EYS: variants seen among roughly 807,000 people sequenced by gnomAD.
The protein encoded by EYS is protein eyes shut homolog.
EYS carries 250 observed loss-of-function variants against 282.1 expected under a neutral mutation model. The observed-to-expected ratio is 0.89, with a 90% CI of 0.80 to 0.98. The LOEUF is 0.98. Among genes scored for constraint, EYS ranks in the 50% least tolerant of loss-of-function variants. The pLI is 0.00. For synonymous variants in EYS, 1,355 were observed against 1,282.9 expected, an observed-to-expected ratio of 1.06 and a Z score of -1.20; for missense variants, 4,016 against 3,709.0, an observed-to-expected ratio of 1.08 and a Z score of -2.15.
chr6:64,975,000 C>T (rs1035167960), intron 14 of EYS, among the ~76,000 whole-genome samples: 6 of 151,480 alleles, frequency 4.0e-5, no homozygotes, highest in Admixed American at 2.0e-4. Context: ...TTAATGGAAA[C>T]CAGAGGTCCC....
In EYS at chr6:63,721,527, A is replaced by G. The variant is rs1768390096; in HGVS notation, c.8504T>C (p.Met2835Thr). 1.4e-5 allele frequency: 21 copies of G among 1,551,388 alleles called. No individual in the cohort carries two copies. The highest frequency in any genetic ancestry group is 2.4e-5 in the East Asian group (1 of 40,924). The change falls in exon 43 of 43, where the codon ATG becomes ACG. Residue 2835 changes from methionine to threonine, a missense_variant. By Grantham distance (81) the Met-to-Thr change is moderately conservative. Transcript: ENST00000503581. ...ACCTACAGGTTCATTTTCTATTGCCATGGGATTTACAAGATTTAAAGAAGA... is the reference window on the plus strand; with the variant it reads ...ACCTACAGGTTCATTTTCTATTGCCGTGGGATTTACAAGATTTAAAGAAGA... The part of the protein sequence containing the change: ...GVSSLNLVNP[M>T]AIENEPVGFQ...
chr6:65,664,039 T>G (rs370922446), intron 1 of EYS, among the ~76,000 whole-genome samples: 1 of 151,624 alleles, frequency 6.6e-6, no homozygotes, highest in African/African-American at 2.4e-5. Context: ...CCCGGCTAAT[T>G]TTTTGTATTT....
At chr6:64,370,004 A>G (rs1215357487) in intron 29 of EYS, among the ~76,000 whole-genome samples, 2 of 151,864 alleles carry the variant, frequency 1.3e-5, no homozygotes, top group Non-Finnish European at 2.9e-5. Flanking sequence ...CTTTCTTCCT[A>G]TTTGGATGTG....
At chr6:64,061,702 T>C (rs927371203) in intron 33 of EYS, among the ~76,000 whole-genome samples, 34 of 152,302 alleles carry the variant, frequency 2.2e-4, no homozygotes, top group African/African-American at 7.5e-4. Context: ...AATAAGTTTT[T>C]ATTAGGCTGG....
chr6:65,339,608 C>G, intron 10 of EYS, among the ~76,000 whole-genome samples: 1 of 151,110 alleles, frequency 6.6e-6, no homozygotes, highest in Non-Finnish European at 1.5e-5. Context: ...CAGGCATACA[C>G]TGGGGTCTTG....
chr6:65,600,173 C>A (rs1056575721), intron 2 of EYS, among the ~76,000 whole-genome samples: 1 of 152,012 alleles, frequency 6.6e-6, no homozygotes, highest in Non-Finnish European at 1.5e-5. Flanking sequence ...CCTCTGACTT[C>A]ATACAGTTCT....
At chr6:65,158,570 G>C (rs1764781334) in intron 12 of EYS, among the ~76,000 whole-genome samples, 2 of 150,754 alleles carry the variant, frequency 1.3e-5, no homozygotes, top group Non-Finnish European at 3.0e-5. Context: ...AACATTTGTA[G>C]ATAATTTCCT....
intron 13 of EYS, among the ~76,000 whole-genome samples, chr6:65,033,522 T>C (rs927515428): frequency 1.3e-5 from 2 of 152,152 alleles, no homozygotes; most frequent in African/African-American, 4.8e-5. Flanking sequence ...TCTAGCTTCA[T>C]CTGTGGCTCA....
Position 64,378,711 on chromosome 6 carries a change from G to T in EYS, c.6078+9979C>A, listed in dbSNP as rs577944300. Among the ~76,000 whole-genome samples the T allele has an allele frequency of 1.6e-3, 236 of 152,238 alleles. 2 individuals carry two copies. Among genetic ancestry groups the T allele is most frequent in the Middle Eastern group, 3.4e-3 (1 of 294 alleles). ...AGCAAGCATAAATGGCTTGTCCAAG[G>T]CACCATGGCAATGAATTGAGGGAGC... On this transcript the variant is annotated intron_variant, in intron 29 of 42. Transcript: ENST00000503581.
At chr6:65,025,667 T>C (rs1472227199) in intron 13 of EYS, among the ~76,000 whole-genome samples, 1 of 152,056 alleles carries the variant, frequency 6.6e-6, no homozygotes, top group Non-Finnish European at 1.5e-5. Flanking sequence ...TGAGCTGAGA[T>C]TGCCCCACTG....
intron 1 of EYS, among the ~76,000 whole-genome samples, chr6:65,647,218 A>G (rs1490537659): frequency 1.3e-5 from 2 of 152,214 alleles, no homozygotes; most frequent in Non-Finnish European, 2.9e-5. Context: ...AGCCAGACTA[A>G]GCAAAAAGAA....
intron 26 of EYS, among the ~76,000 whole-genome samples, chr6:64,546,787 G>A (rs1461359107): frequency 6.6e-6 from 1 of 152,156 alleles, no homozygotes; most frequent in Non-Finnish European, 1.5e-5. Flanking sequence ...CATCATCACT[G>A]GCCATCAGAG....
intron 1 of EYS, among the ~76,000 whole-genome samples, chr6:65,704,410 C>T (rs954602842): frequency 2.0e-5 from 3 of 152,112 alleles, no homozygotes; most frequent in African/African-American, 7.2e-5. Context: ...AGCCCATGCT[C>T]GATTACTCTG....
chr6:65,145,555 A>G (rs1013092857), intron 12 of EYS, among the ~76,000 whole-genome samples: 5 of 152,010 alleles, frequency 3.3e-5, no homozygotes, highest in Admixed American at 2.6e-4. Context: ...CCTAATTAAT[A>G]TAAGTGACAA....
intron 2 of EYS, among the ~76,000 whole-genome samples, chr6:65,524,516 T>C (rs1336813815): frequency 1.3e-5 from 2 of 152,162 alleles, no homozygotes; most frequent in African/African-American, 4.8e-5. Context: ...TAGAGAACAT[T>C]TTCCCAGCCC....
At position 63,845,389 on chromosome 6, in the gene EYS, A is replaced by ATT. The variant is rs61568416; in HGVS notation, c.7228+18795_7228+18796dup. On this transcript the variant is annotated intron_variant, in intron 36 of 42. Transcript: ENST00000503581. ...TTAATCACTATAAAATGATGCAAGG[A>ATT]TTTTTTTTTTTTTGGTTAATAAAAC... Among the ~76,000 whole-genome samples the ATT allele has an allele frequency of 5.8e-3, 842 of 145,580 alleles. 4 individuals carry two copies. Among genetic ancestry groups the ATT allele is most frequent in the African/African-American group, 0.011 (437 of 39,854 alleles).
At chr6:64,118,207 T>C (rs1226125181) in intron 31 of EYS, among the ~76,000 whole-genome samples, 1 of 152,018 alleles carries the variant, frequency 6.6e-6, no homozygotes, top group Non-Finnish European at 1.5e-5. Flanking sequence ...AAAATTTGTA[T>C]AAAGCCACAA....
At chr6:65,675,554 C>T (rs1768555359) in intron 1 of EYS, among the ~76,000 whole-genome samples, 1 of 151,764 alleles carries the variant, frequency 6.6e-6, no homozygotes, top group South Asian at 2.1e-4. Context: ...AGGGTGAAGT[C>T]ACTAGGAATG....
At chr6:64,055,590 A>G (rs1177748112) in intron 33 of EYS, among the ~76,000 whole-genome samples, 1 of 152,172 alleles carries the variant, frequency 6.6e-6, no homozygotes, top group Non-Finnish European at 1.5e-5. Flanking sequence ...ATACCCAGGT[A>G]TACCCTACTT....
Sources: allele counts gnomAD v4.1 joint callset (sites outside exome capture counted in the v4.1 genomes callset), GRCh38; gene constraint gnomAD v4.1.1; transcripts MANE v1.5; gene names NCBI Gene and HGNC (gene_info 2026-07-23, HGNC 2026-07-21).